The following SLC30A5 variants were observed in gnomAD, a reference collection of about 807,000 sequenced individuals.
The protein encoded by SLC30A5 is proton-coupled zinc antiporter SLC30A5.
In SLC30A5, 33 loss-of-function variants were observed where a neutral mutation model predicts 79.6. That is an observed-to-expected ratio of 0.41 (90% CI 0.31 to 0.55). The LOEUF (loss-of-function observed/expected upper bound fraction) is 0.55. SLC30A5 is among the 20% of genes least tolerant of loss of function. SLC30A5 has a pLI of 0.20. For missense variants in SLC30A5, 788 were observed against 928.1 expected, an observed-to-expected ratio of 0.85 and a Z score of 1.96; for synonymous variants, 299 against 319.7, an observed-to-expected ratio of 0.94 and a Z score of 0.69.
chr5:69,098,890 T>C (rs1213751986), intron 1 of SLC30A5, among the ~76,000 whole-genome samples: 1 of 152,204 alleles, frequency 6.6e-6, no homozygotes, highest in African/African-American at 2.4e-5. Flanking sequence ...AAAATAAACC[T>C]TTGTTTAAAA....
rs900559941 is a variant in SLC30A5, at chr5:69,130,924, A to G, written c.*1307A>G. 3 of 152,186 alleles carry G rather than the reference A, an allele frequency of 2.0e-5. No individual in the cohort carries two copies. Among genetic ancestry groups the G allele is most frequent in the African/African-American group, 7.2e-5 (3 of 41,466 alleles). 9.4% of individuals were successfully genotyped at this position (152,186 alleles called of 1,614,324 possible). A position where few individuals can be genotyped will look rare whatever the true frequency, so the allele number is the denominator to read the frequency against. Reference sequence around the variant, plus strand: ...ATATATACCACAATGGCAAACATGTATTATAAATCATATTTTTGTCTTACC... The same window carrying G: ...ATATATACCACAATGGCAAACATGTGTTATAAATCATATTTTTGTCTTACC... On this transcript the variant is annotated 3_prime_UTR_variant, in exon 16 of 16. Coordinates refer to ENST00000396591, the MANE Select transcript of SLC30A5 (RefSeq NM_022902.5).
intron 1 of SLC30A5, among the ~76,000 whole-genome samples, chr5:69,099,743 A>G (rs1745855780): frequency 1.3e-5 from 2 of 152,178 alleles, no homozygotes; most frequent in Non-Finnish European, 1.5e-5. Context: ...GTTTCTTCCT[A>G]TATTGTGGTC....
rs781086034 is a variant in SLC30A5, at chr5:69,116,562, G to A, written c.1241G>A (p.Ser414Asn). 10 of 1,608,740 alleles carry A rather than the reference G, an allele frequency of 6.2e-6. No homozygotes were observed. The highest frequency in any genetic ancestry group is 1.7e-4 in the Middle Eastern group (1 of 6,028). The change falls in exon 10 of 16, where the codon AGT becomes AAT. Residue 414 changes from serine (S) to asparagine (N), a missense_variant. By Grantham distance (46) the Ser-to-Asn change is conservative (BLOSUM62 1). Transcript: ENST00000396591. This position sits in a 1 kb window ranked among gnomAD's most constrained non-coding sequence, Gnocchi z 4.0. ...TCACTAAAACAAATTCTTGAGGAGA[G>A]TGACTCTAGGCAGATCTTTTACTTC... is the stretch of plus-strand genomic sequence containing the variant. ...KESLKQILEE[S>N]DSRQIFYFLC...
At chr5:69,111,307 C>CTT (rs572471039) in intron 5 of SLC30A5, among the ~76,000 whole-genome samples, 8 of 95,130 alleles carry the variant, frequency 8.4e-5, no homozygotes, top group Non-Finnish European at 1.3e-4. Context: ...TTTTCTTTTT[C>CTT]TTTTTTTTTT....
chr5:69,100,228 A>T (rs1561286658), intron 1 of SLC30A5, among the ~76,000 whole-genome samples: 1 of 152,090 alleles, frequency 6.6e-6, no homozygotes, highest in Non-Finnish European at 1.5e-5. Flanking sequence ...TCAGCCTCCC[A>T]AAGTGCTGGG....
intron 1 of SLC30A5, among the ~76,000 whole-genome samples, chr5:69,097,828 C>T (rs183577296): frequency 2.0e-5 from 3 of 152,252 alleles, no homozygotes; most frequent in Admixed American, 2.0e-4. Context: ...CATGAGCTAC[C>T]ATGCCTGGCC....
intron 1 of SLC30A5, among the ~76,000 whole-genome samples, chr5:69,098,595 T>TC (rs1187048382): frequency 6.6e-6 from 1 of 152,214 alleles, no homozygotes; most frequent in East Asian, 1.9e-4. Flanking sequence ...AGTGTGTAAT[T>TC]CAAGTTCAAT....
chr5:69,114,465 C>T lies in SLC30A5; in HGVS notation c.581C>T (p.Ala194Val). The change falls in exon 7 of 16, where the codon GCC (alanine) becomes GTC (valine). Residue 194 changes from alanine (A) to valine (V), a missense_variant. Physicochemically the swap from Ala to Val is moderately conservative, Grantham distance 64. Around this residue, in one of 3 missense-constraint regions of SLC30A5, gnomAD observed 626 missense variants for 755.5 expected, o/e 0.83. Transcript: ENST00000396591. Reference protein sequence around the residue: ...DSALTHMLYTAIAFLGVADHK... With the variant: ...DSALTHMLYTVIAFLGVADHK... ...GCTCTAACTCATATGCTTTACACAG[C>T]CATTGCCTTCTTAGGTGTGGCAGAT... The T allele has an allele frequency of 6.2e-7, 1 of 1,608,038 alleles. No homozygotes were observed. Among genetic ancestry groups the T allele is most frequent in the Non-Finnish European group, 8.5e-7 (1 of 1,175,208 alleles).
At position 69,129,479 on chromosome 5, in the gene SLC30A5, C is replaced by A; in HGVS notation, c.2160C>A (p.Asn720Lys). The A allele has an allele frequency of 6.2e-7, 1 of 1,612,734 alleles. No homozygotes were observed. The highest frequency in any genetic ancestry group is 1.1e-5 in the South Asian group (1 of 90,930). The change falls in exon 16 of 16, where the codon AAC becomes AAA. Residue 720 changes from asparagine (N) to lysine (K), a missense_variant. Transcript: ENST00000396591. ...GAATACTTAAAGATGCTGGAGTAAA[C>A]AATTTAACAATTCAAGTGGAAAAGG... ...VTGILKDAGV[N>K]NLTIQVEKEA...
At chr5:69,100,568 C>G (rs972720963) in intron 1 of SLC30A5, among the ~76,000 whole-genome samples, 9 of 144,738 alleles carry the variant, frequency 6.2e-5, no homozygotes, top group African/African-American at 2.3e-4. Context: ...CAAAGGAGTT[C>G]GAGACCAGCC....
chr5:69,115,298 G>A lies in SLC30A5; in HGVS notation c.674G>A (p.Arg225Lys), dbSNP rs1268494401. The change falls in exon 8 of 16, where the codon AGA (arginine) becomes AAA (lysine). Residue 225 changes from arginine (R) to lysine (K), a missense_variant. By Grantham distance (26) the Arg-to-Lys change is conservative. Around this residue, in one of 3 missense-constraint regions of SLC30A5, gnomAD observed 626 missense variants for 755.5 expected, o/e 0.83. Transcript: ENST00000396591. ...AAAGTTGGTTTTCATACAGCTTCCA[G>A]AAAGCTCTCTGTCGACGTTGGTGGA... ...CCKVGFHTAS[R>K]KLSVDVGGAK... 5 of 1,613,954 alleles carry A rather than the reference G, an allele frequency of 3.1e-6. No homozygotes were observed. The highest frequency in any genetic ancestry group is 1.1e-5 in the South Asian group (1 of 91,082).
chr5:69,104,174 A>C (rs543931396), intron 3 of SLC30A5: 54 of 1,161,428 alleles, frequency 4.6e-5, no homozygotes, highest in Non-Finnish European at 5.8e-5. Flanking sequence ...GTCTTGCTCC[A>C]TCGCCCAGGC....
At chr5:69,096,174 A>G (rs1020685595) in intron 1 of SLC30A5, among the ~76,000 whole-genome samples, 4 of 152,238 alleles carry the variant, frequency 2.6e-5, no homozygotes, top group Non-Finnish European at 5.9e-5. Context: ...ATAAAGAAGC[A>G]TGAAGTATGT....
chr5:69,096,854 G>A (rs1374113727), intron 1 of SLC30A5, among the ~76,000 whole-genome samples: 1 of 151,802 alleles, frequency 6.6e-6, no homozygotes, highest in East Asian at 1.9e-4. Context: ...CAGCTACTTG[G>A]GAGGCTAAGG....
chr5:69,113,156 T>G lies in SLC30A5; in HGVS notation c.464T>G (p.Phe155Cys), dbSNP rs1343733100. The change falls in exon 6 of 16, where the codon TTT becomes TGT. Residue 155 changes from phenylalanine to cysteine, a missense_variant. Around this residue, in one of 3 missense-constraint regions of SLC30A5, gnomAD observed 626 missense variants for 755.5 expected, o/e 0.83. Coordinates refer to ENST00000396591, the MANE Select transcript of SLC30A5 (RefSeq NM_022902.5). ...TATTTTCAGACAAGGGGAGCTGCTT[T>G]TTTCATTATTGCTGTGATCTGTTTA... ...GGPAKTRGAA[F>C]FIIAVICLLL... The G allele has an allele frequency of 1.2e-5, 20 of 1,612,618 alleles. No homozygotes were observed. The highest frequency in any genetic ancestry group is 1.5e-5 in the Non-Finnish European group (18 of 1,179,646).
At chr5:69,113,275 T>TAG (rs559463120) in intron 6 of SLC30A5, 48 bp downstream of exon 6, 928 of 1,397,910 alleles carry the variant, frequency 6.6e-4, no homozygotes, top group Admixed American at 7.7e-4. Flanking sequence ...TGAGGAAAAC[T>TAG]AGAAGCCTGG....
rs772001116 is a variant in SLC30A5 at position 69,121,930 on chromosome 5, C to T, written c.1771+35C>T. ...TGCAAAATATTATCCTACTTTTCAA[C>T]TGTGTTCTAAATCAACCCTCTGTGT... On this transcript the variant is annotated intron_variant, in intron 13 of 15. Coordinates refer to ENST00000396591, the MANE Select transcript of SLC30A5 (RefSeq NM_022902.5). 3.3e-6 allele frequency: 5 copies of T among 1,528,650 alleles called. No individual in the cohort carries two copies. The Admixed American group carries it at 7.2e-5, about 22-fold the overall frequency. 94.7% of individuals were successfully genotyped at this position (1,528,650 alleles called of 1,614,324 possible). A position where few individuals can be genotyped will look rare whatever the true frequency, so the allele number is the denominator to read the frequency against.
At chr5:69,100,661 A>G in intron 1 of SLC30A5, 146 bp from the exon 2 acceptor site, 1 of 455,714 alleles carries the variant, frequency 2.2e-6, no homozygotes, top group Non-Finnish European at 3.9e-6. Context: ...GTGGATGGTG[A>G]GTTGTTTGGG....
intron 4 of SLC30A5, 125 bp from the exon 5 acceptor site, chr5:69,108,224 A>G: frequency 1.4e-6 from 1 of 717,242 alleles, no homozygotes; most frequent in Non-Finnish European, 2.3e-6. Flanking sequence ...AGTTGTACCT[A>G]TTTATTTTTC....
Sources: gnomAD v4.1 joint callset for allele counts (sites outside exome capture counted in the v4.1 genomes callset) on GRCh38, gnomAD v4.1.1 for gene constraint, gnomAD v4.1.1 regional missense constraint, Gnocchi (gnomAD v3.1) non-coding constraint, MANE v1.5 for transcripts, NCBI Gene and HGNC (gene_info 2026-07-23, HGNC 2026-07-21) for gene names.